CSMD1: variants seen among roughly 807,000 people sequenced by gnomAD.
The protein encoded by CSMD1 is CUB and Sushi multiple domains 1, also known as CUB and sushi domain-containing protein 1.
Under a neutral mutation model 417.5 loss-of-function variants are expected in CSMD1, and 213 were observed. The observed-to-expected ratio is 0.51, with a 90% CI of 0.46 to 0.57. The LOEUF (loss-of-function observed/expected upper bound fraction) is 0.57. Ranked by LOEUF, CSMD1 falls within the 20% of genes least tolerant of loss-of-function variation. The pLI, the probability that CSMD1 is intolerant of heterozygous loss-of-function variation, is 0.00. For synonymous variants in CSMD1, 2,862 were observed against 1,736.8 expected (o/e 1.65, Z -16.11); for missense variants, 6,923 against 4,529.7 (o/e 1.53, Z -15.17).
intron 5 of CSMD1, among the ~76,000 whole-genome samples, chr8:3,800,859 C>G (rs990782062): frequency 6.6e-6 from 1 of 152,202 alleles, no homozygotes; most frequent in Admixed American, 6.6e-5. Context: ...AAAGCCCTCA[C>G]CAGAGACTGG....
intron 3 of CSMD1, among the ~76,000 whole-genome samples, chr8:4,247,793 T>C (rs2680597): frequency 0.99 from 149,971 of 152,248 alleles, 73,892 homozygotes; most frequent in South Asian, 1. Flanking sequence ...AAAAAAGTAC[T>C]GTGGGAGCCA....
chr8:4,305,589 A>C (rs985707043), intron 3 of CSMD1, among the ~76,000 whole-genome samples: 5 of 152,206 alleles, frequency 3.3e-5, no homozygotes, highest in Admixed American at 6.5e-5. Flanking sequence ...AGAGTAAAAA[A>C]TTAACCTTTC....
At chr8:4,523,664 C>A (rs192562680) in intron 2 of CSMD1, among the ~76,000 whole-genome samples, 1 of 152,108 alleles carries the variant, frequency 6.6e-6, no homozygotes, top group Non-Finnish European at 1.5e-5. Flanking sequence ...CAACTCTAAT[C>A]CAGGTCTACT....
rs189566176 is a variant in CSMD1 at position 4,457,354 on chromosome 8, G to C, written c.303-37289C>G. On this transcript the variant is annotated intron_variant, in intron 2 of 69. Coordinates refer to ENST00000635120, the MANE Select transcript of CSMD1 (RefSeq NM_033225.6). ...TTGGGACACCGGAGAGGGGTTTGCG[G>C]AGGAAGAAGTGATTGGGGCTTCCCG... is the stretch of plus-strand genomic sequence containing the variant. Among the ~76,000 whole-genome samples the C allele has an allele frequency of 3.5e-4, 53 of 152,224 alleles. No individual in the cohort carries two copies. The East Asian group carries it at 7.2e-3, about 21-fold the overall frequency.
At chr8:4,926,080 T>C (rs944353322) in intron 1 of CSMD1, among the ~76,000 whole-genome samples, 1 of 152,364 alleles carries the variant, frequency 6.6e-6, no homozygotes, top group Non-Finnish European at 1.5e-5. Flanking sequence ...AGTGGACTTA[T>C]TCTTTTGAAT....
At chr8:3,205,077 A>C (rs957747007) in intron 31 of CSMD1, among the ~76,000 whole-genome samples, 1 of 152,216 alleles carries the variant, frequency 6.6e-6, no homozygotes, top group Non-Finnish European at 1.5e-5. Context: ...AGGTTGACTC[A>C]AGGATGCAGT....
intron 3 of CSMD1, among the ~76,000 whole-genome samples, chr8:4,098,283 A>G (rs1380574298): frequency 6.6e-6 from 1 of 152,246 alleles, no homozygotes; most frequent in African/African-American, 2.4e-5. Flanking sequence ...TCAGAACAAA[A>G]GGCAAGTAAT....
intron 42 of CSMD1, among the ~76,000 whole-genome samples, chr8:3,114,336 GTATTA>G (rs1488768171): frequency 6.6e-6 from 1 of 151,788 alleles, no homozygotes; most frequent in Non-Finnish European, 1.5e-5. Flanking sequence ...GTTTTCTCTA[GTATTA>G]TGTTAAGTTT....
intron 3 of CSMD1, among the ~76,000 whole-genome samples, chr8:4,034,880 CAAAT>C (rs1797535152): frequency 6.6e-6 from 1 of 152,114 alleles, no homozygotes; most frequent in Admixed American, 6.5e-5. Context: ...GGAAATCTAT[CAAAT>C]AAATCTGCTA....
rs546235220 is a variant in CSMD1 at position 4,331,859 on chromosome 8, T to TA, written c.415+88093dup. 3.3e-3 allele frequency among the ~76,000 whole-genome samples: 509 copies of TA among 152,218 alleles called. 1 individual carries two copies. Among genetic ancestry groups the TA allele is most frequent in the Middle Eastern group, 0.01 (3 of 294 alleles). On this transcript the variant is annotated intron_variant, in intron 3 of 69. Coordinates refer to ENST00000635120, the MANE Select transcript of CSMD1 (RefSeq NM_033225.6). ...TTCCTCATAGCACAATCCATTTGCT[T>TA]AAAAAAATACATAATACATAGCTAG...
At chr8:4,713,797 G>A (rs868215582) in intron 1 of CSMD1, among the ~76,000 whole-genome samples, 1 of 152,140 alleles carries the variant, frequency 6.6e-6, no homozygotes, top group Non-Finnish European at 1.5e-5. Flanking sequence ...CATTCTAGGA[G>A]GGTGTCATTC....
chr8:3,400,587 G>A (rs1200606110), intron 15 of CSMD1, among the ~76,000 whole-genome samples: 1 of 151,928 alleles, frequency 6.6e-6, no homozygotes, highest in East Asian at 1.9e-4. Flanking sequence ...CCATATATTG[G>A]AATGTGGCAA....
chr8:4,471,804 G>T (rs1443568389), intron 2 of CSMD1, among the ~76,000 whole-genome samples: 1 of 152,138 alleles, frequency 6.6e-6, no homozygotes, highest in Non-Finnish European at 1.5e-5. Context: ...GATGTTAACA[G>T]GAAGCTGGCA....
chr8:4,322,153 G>C (rs1031557516), intron 3 of CSMD1, among the ~76,000 whole-genome samples: 1 of 151,974 alleles, frequency 6.6e-6, no homozygotes, highest in Non-Finnish European at 1.5e-5. Context: ...CTTTACATTT[G>C]AAATAACATT....
At chr8:2,940,957 T>C (rs1801829768) in intron 69 of CSMD1, among the ~76,000 whole-genome samples, 1 of 152,200 alleles carries the variant, frequency 6.6e-6, no homozygotes. Flanking sequence ...TTTTTGTGTA[T>C]ATCCCTTTAA....
chr8:4,762,916 T>A (rs2117104535), intron 1 of CSMD1, among the ~76,000 whole-genome samples: 1 of 152,262 alleles, frequency 6.6e-6, no homozygotes, highest in East Asian at 1.9e-4. Flanking sequence ...GCATTGTAGG[T>A]AGGGTTATAA....
chr8:4,002,077 G>C (rs1815724272), intron 4 of CSMD1, among the ~76,000 whole-genome samples: 2 of 152,248 alleles, frequency 1.3e-5, no homozygotes, highest in Admixed American at 1.3e-4. Context: ...AAGATAGTCT[G>C]ATTGATTAAT....
intron 1 of CSMD1, among the ~76,000 whole-genome samples, chr8:4,663,055 A>G (rs1428275365): frequency 6.6e-6 from 1 of 152,184 alleles, no homozygotes. Context: ...GCTGACTAAC[A>G]TGACTGGAGA....
intron 26 of CSMD1, among the ~76,000 whole-genome samples, chr8:3,266,726 G>C (rs1457240081): frequency 6.7e-6 from 1 of 149,226 alleles, no homozygotes; most frequent in Non-Finnish European, 1.5e-5. Flanking sequence ...AGTGAGCTGA[G>C]ATTATACCAC....
Sources: allele counts gnomAD v4.1 joint callset (sites outside exome capture counted in the v4.1 genomes callset), GRCh38; gene constraint gnomAD v4.1.1; transcripts MANE v1.5; gene names NCBI Gene and HGNC (gene_info 2026-07-23, HGNC 2026-07-21).